The following TSPAN11 variants were observed in gnomAD, a reference collection of about 807,000 sequenced individuals.
TSPAN11 encodes tetraspanin-11.
TSPAN11 carries 29 observed loss-of-function variants against 32.9 expected under a neutral mutation model. The observed-to-expected ratio is 0.88, with a 90% CI of 0.66 to 1.20. TSPAN11 has a LOEUF of 1.20. TSPAN11 is among the 50% of genes most tolerant of loss of function. The pLI, the probability that TSPAN11 is intolerant of heterozygous loss-of-function variation, is 0.00. For missense variants in TSPAN11, 283 were observed against 329.1 expected (o/e 0.86, Z 1.08); for synonymous variants, 140 against 141.3 (o/e 0.99, Z 0.07).
chr12:30,949,190 C>T (rs1489541328), intron 1 of TSPAN11, among the ~76,000 whole-genome samples: 2 of 152,172 alleles, frequency 1.3e-5, no homozygotes, highest in East Asian at 3.9e-4. Context: ...CAAACTTTCC[C>T]ACATTTTCCT....
rs1469725644 is a variant in TSPAN11, at chr12:30,983,113, T to C, written c.665T>C (p.Leu222Pro). 6.2e-7 allele frequency: 1 copy of C among 1,613,360 alleles called. No individual in the cohort carries two copies. The highest frequency in any genetic ancestry group is 1.1e-5 in the South Asian group (1 of 90,884). ...CAGTTCCTGGCCGACCACCTGCTGCTTATGGGGGCAGTGGGCATCGGGGTG... is the reference window on the plus strand; with the variant it reads ...CAGTTCCTGGCCGACCACCTGCTGCCTATGGGGGCAGTGGGCATCGGGGTG... ...LEQFLADHLL[L>P]MGAVGIGVAC... is the part of the protein sequence containing the mutation. The change falls in exon 7 of 8, where the codon CTT (leucine) becomes CCT (proline). Residue 222 changes from leucine (L) to proline (P), a missense_variant. Leu to Pro is a moderately conservative substitution (Grantham distance 98, BLOSUM62 -3). Transcript: ENST00000546076.
chr12:30,977,534 T>TCCCCCTCTCA (rs1374552931), intron 3 of TSPAN11, among the ~76,000 whole-genome samples: 4 of 152,024 alleles, frequency 2.6e-5, no homozygotes, highest in African/African-American at 9.7e-5. Flanking sequence ...TCAGTAGTGC[T>TCCCCCTCTCA]CCCCCTCTCT....
rs1196597317 is a variant in TSPAN11 at position 30,991,838 on chromosome 12, G to C, written c.703-18G>C. ...AGTTCTGATTTCTCTTTGCTCCTCT[G>C]CTCTCTCCACCTGGCAGATCTGCGG... On this transcript the variant is annotated intron_variant, in intron 7 of 7. Coordinates refer to ENST00000546076, the MANE Select transcript of TSPAN11 (RefSeq NM_001370302.1). 6.2e-7 allele frequency: 1 copy of C among 1,614,100 alleles called. No homozygotes were observed. The highest frequency in any genetic ancestry group is 1.7e-5 in the Admixed American group (1 of 60,026).
chr12:30,966,657 C>A lies in TSPAN11; in HGVS notation c.276+2640C>A, dbSNP rs1444239113. Among the ~76,000 whole-genome samples, 3 of 152,234 alleles carry A rather than the reference C, an allele frequency of 2.0e-5. No individual in the cohort carries two copies. The East Asian group carries it at 5.8e-4, about 29-fold the overall frequency. ...GGAGGAGGACAAGCCTGATGGGAGG[C>A]AGAGGGACCAGAGGCCAAGGGGGAG... On this transcript the variant is annotated intron_variant, in intron 3 of 7. Coordinates refer to ENST00000546076, the MANE Select transcript of TSPAN11 (RefSeq NM_001370302.1).
chr12:30,989,531 C>A (rs888294925), intron 7 of TSPAN11, among the ~76,000 whole-genome samples: 4 of 152,102 alleles, frequency 2.6e-5, no homozygotes, highest in Non-Finnish European at 5.9e-5. Context: ...AGTGTACAGA[C>A]CGGATGTTTT....
intron 1 of TSPAN11, among the ~76,000 whole-genome samples, chr12:30,929,071 C>T (rs1395587741): frequency 6.6e-6 from 1 of 152,214 alleles, no homozygotes; most frequent in African/African-American, 2.4e-5. Flanking sequence ...GAGCAGGCTC[C>T]ACTGGCAGGG....
In TSPAN11 at chr12:30,996,155, T is replaced by C. The variant is rs911229319; in HGVS notation, c.*4240T>C. On this transcript the variant is annotated 3_prime_UTR_variant, in exon 8 of 8. Coordinates refer to ENST00000546076, the MANE Select transcript of TSPAN11 (RefSeq NM_001370302.1). ...TGTTCTTCCCTGGAGGACTCTTGGA[T>C]CGCCTGTGATCTTGGCCAGGAGACC... The C allele has an allele frequency of 2.0e-5, 3 of 152,246 alleles. No individual in the cohort carries two copies. Among genetic ancestry groups the C allele is most frequent in the Non-Finnish European group, 4.4e-5 (3 of 68,068 alleles). 9.4% of individuals were successfully genotyped at this position (152,246 alleles called of 1,614,324 possible). A position where few individuals can be genotyped will look rare whatever the true frequency, so the allele number is the denominator to read the frequency against.
intron 7 of TSPAN11, among the ~76,000 whole-genome samples, chr12:30,989,089 G>A (rs1259032604): frequency 3.3e-5 from 5 of 152,232 alleles, no homozygotes; most frequent in Non-Finnish European, 7.3e-5. Context: ...TGTGTGCCAG[G>A]TGCTGTGCCC....
chr12:30,951,523 T>C (rs572592849), intron 1 of TSPAN11, among the ~76,000 whole-genome samples: 17 of 152,328 alleles, frequency 1.1e-4, no homozygotes, highest in African/African-American at 4.1e-4. Flanking sequence ...TATGTGACTT[T>C]GGATGAATTA....
intron 1 of TSPAN11, among the ~76,000 whole-genome samples, chr12:30,950,637 T>A (rs1429728654): frequency 6.6e-6 from 1 of 152,214 alleles, no homozygotes; most frequent in African/African-American, 2.4e-5. Context: ...CTTTCTCTCA[T>A]GTACACTCAG....
At chr12:30,939,288 T>C (rs925937174) in intron 1 of TSPAN11, among the ~76,000 whole-genome samples, 11 of 150,740 alleles carry the variant, frequency 7.3e-5, no homozygotes, top group African/African-American at 2.7e-4. Flanking sequence ...CACTGAGTTA[T>C]TGAGACAAGT....
rs531557220 is a variant in TSPAN11 at position 30,944,225 on chromosome 12, TATC to T, written c.-11-9753_-11-9751del. Among the ~76,000 whole-genome samples, 201 of 152,308 alleles carry T rather than the reference TATC, an allele frequency of 1.3e-3. 1 individual carries two copies. Among genetic ancestry groups the T allele is most frequent in the African/African-American group, 3.7e-3 (155 of 41,560 alleles). On this transcript the variant is annotated intron_variant, in intron 1 of 7. Transcript: ENST00000546076. Reference sequence around the variant, plus strand: ...TAACAAAGGTAGTACTTCATATAATTATCATTTTGTGGTGAGAGCATGTAACAT... The same window carrying T: ...TAACAAAGGTAGTACTTCATATAATTATTTTGTGGTGAGAGCATGTAACAT...
rs753642000 is a variant in TSPAN11, at chr12:30,991,856, A to T, written c.703A>T (p.Ile235Phe). The T allele has an allele frequency of 1.1e-5, 18 of 1,614,132 alleles. No individual in the cohort carries two copies. The South Asian group carries it at 2.0e-4, about 18-fold the overall frequency. Residue 235 changes from isoleucine to phenylalanine, a missense_variant and splice_region_variant, in exon 8 of 8, where the codon ATC becomes TTC. Physicochemically the swap from Ile to Phe is conservative, Grantham distance 21. Coordinates refer to ENST00000546076, the MANE Select transcript of TSPAN11 (RefSeq NM_001370302.1). ...AVGIGVACLQICGMVLTCCLH... is the reference protein window; with the variant it reads ...AVGIGVACLQFCGMVLTCCLH... ...CTCCTCTGCTCTCTCCACCTGGCAG[A>T]TCTGCGGGATGGTTCTCACCTGCTG...
At chr12:31,004,712 C>T in the TSPAN11 span, among the ~76,000 whole-genome samples, 15 of 152,174 alleles carry the variant, frequency 9.9e-5, no homozygotes, top group African/African-American at 2.9e-4. Context: ...GAGCCTGTCT[C>T]GAGAAGGCCC....
At chr12:31,005,306 A>G in the TSPAN11 span, among the ~76,000 whole-genome samples, 2 of 152,210 alleles carry the variant, frequency 1.3e-5, no homozygotes, top group African/African-American at 4.8e-5. Flanking sequence ...CGAGGTGCTC[A>G]AGGGATCTCG....
intron 7 of TSPAN11, among the ~76,000 whole-genome samples, chr12:30,989,740 C>T (rs954268427): frequency 6.6e-6 from 1 of 152,218 alleles, no homozygotes; most frequent in African/African-American, 2.4e-5. Context: ...GGAAACCAAT[C>T]ATTTTGGAAT....
At chr12:31,007,662 C>T in the TSPAN11 span, among the ~76,000 whole-genome samples, 6 of 152,192 alleles carry the variant, frequency 3.9e-5, no homozygotes, top group African/African-American at 7.2e-5. Context: ...CAGCACTCCC[C>T]GATGCTTTCT....
chr12:30,970,417 C>A (rs948424226), intron 3 of TSPAN11, among the ~76,000 whole-genome samples: 1 of 152,214 alleles, frequency 6.6e-6, no homozygotes, highest in African/African-American at 2.4e-5. Context: ...CTGGAACACA[C>A]ACAGTGTGAT....
intron 2 of TSPAN11, 79 bp from the exon 3 acceptor site, chr12:30,963,747 G>A: frequency 6.7e-7 from 1 of 1,486,640 alleles, no homozygotes; most frequent in South Asian, 1.3e-5. Context: ...AGAAGTGCCT[G>A]GCACCCTGTG....
Sources: allele counts gnomAD v4.1 joint callset (sites outside exome capture counted in the v4.1 genomes callset), GRCh38; gene constraint gnomAD v4.1.1; transcripts MANE v1.5; gene names NCBI Gene and HGNC (gene_info 2026-07-23, HGNC 2026-07-21).